Variants in SLC24A2 observed in about 807,000 individuals in gnomAD.
The protein encoded by SLC24A2 is sodium/potassium/calcium exchanger 2.
Under a neutral mutation model 62.0 loss-of-function variants are expected in SLC24A2, and 36 were observed. That is an observed-to-expected ratio of 0.58 (90% CI 0.44 to 0.77). The LOEUF is 0.77. Ranked by LOEUF, SLC24A2 falls within the 30% of genes least tolerant of loss-of-function variation. The probability of loss-of-function intolerance (pLI) is 0.00; values close to 1 mark genes in which losing one functional copy is unlikely to be tolerated. For missense variants in SLC24A2, 846 were observed against 817.9 expected (o/e 1.03, Z -0.42); for synonymous variants, 358 against 294.0 (o/e 1.22, Z -2.23).
chr9:19,853,163 T>C, the SLC24A2 span, among the ~76,000 whole-genome samples: 1 of 151,724 alleles, frequency 6.6e-6, no homozygotes, highest in Non-Finnish European at 1.5e-5. Flanking sequence ...TGGTTTTATA[T>C]CTGAGAACTT....
chr9:19,935,463 T>C, the SLC24A2 span, among the ~76,000 whole-genome samples: 114 of 152,102 alleles, frequency 7.5e-4, no homozygotes, highest in African/African-American at 2.6e-3. Context: ...GGGTAGATAA[T>C]ATAAACTAAT....
the SLC24A2 span, among the ~76,000 whole-genome samples, chr9:19,971,803 C>A: frequency 6.6e-6 from 1 of 152,110 alleles, no homozygotes; most frequent in African/African-American, 2.4e-5. Context: ...ACCAACTGAG[C>A]AGGTTGCTTA....
chr9:19,808,527 G>A, the SLC24A2 span, among the ~76,000 whole-genome samples: 190 of 152,268 alleles, frequency 1.2e-3, 2 homozygotes, highest in African/African-American at 4.4e-3. This position sits in a 1 kb window ranked among gnomAD's most constrained non-coding sequence, Gnocchi z 4.1. Flanking sequence ...ACAAAAAACA[G>A]CAAAAAGTGA....
At chr9:20,118,660 A>C in the SLC24A2 span, among the ~76,000 whole-genome samples, 1 of 152,144 alleles carries the variant, frequency 6.6e-6, no homozygotes, top group Non-Finnish European at 1.5e-5. Flanking sequence ...AAAAAGAGGA[A>C]AAGAAGCATA....
At chr9:20,114,592 C>A in the SLC24A2 span, among the ~76,000 whole-genome samples, 1 of 152,132 alleles carries the variant, frequency 6.6e-6, no homozygotes, top group Non-Finnish European at 1.5e-5. Context: ...CCTATCTTGT[C>A]ATGGAGGAGG....
At chr9:19,842,035 CA>C in the SLC24A2 span, among the ~76,000 whole-genome samples, 1 of 152,196 alleles carries the variant, frequency 6.6e-6, no homozygotes, top group Non-Finnish European at 1.5e-5. Flanking sequence ...GATATGCCAC[CA>C]TTCCCTGTGG....
chr9:20,010,204 A>G, the SLC24A2 span, among the ~76,000 whole-genome samples: 1 of 152,168 alleles, frequency 6.6e-6, no homozygotes, highest in Non-Finnish European at 1.5e-5. Flanking sequence ...CAGCGTTGCC[A>G]CCAGCCAACT....
chr9:20,093,697 G>A, the SLC24A2 span, among the ~76,000 whole-genome samples: 1 of 152,214 alleles, frequency 6.6e-6, no homozygotes, highest in South Asian at 2.1e-4. Flanking sequence ...GTGGTCCCTT[G>A]GGGATTGTTA....
the SLC24A2 span, among the ~76,000 whole-genome samples, chr9:20,149,019 C>T: frequency 8.9e-4 from 135 of 152,126 alleles, no homozygotes; most frequent in African/African-American, 3.2e-3. Context: ...GCCAATCTTT[C>T]CTTCCTTTTT....
chr9:19,982,370 C>G, the SLC24A2 span, among the ~76,000 whole-genome samples: 1 of 152,124 alleles, frequency 6.6e-6, no homozygotes, highest in Non-Finnish European at 1.5e-5. Flanking sequence ...TAAAGGCAAG[C>G]ACAGTCAGTT....
At chr9:19,947,808 A>AAGAAAAGAAAGAAAG in the SLC24A2 span, among the ~76,000 whole-genome samples, 1 of 59,226 alleles carries the variant, frequency 1.7e-5, no homozygotes, top group African/African-American at 8.0e-5. Context: ...AAAAAAAAAA[A>AAGAAAAGAAAGAAAG]AAAGAAAGAA....
chr9:19,648,680 T>G (rs1818711134), intron 2 of SLC24A2, among the ~76,000 whole-genome samples: 1 of 152,162 alleles, frequency 6.6e-6, no homozygotes, highest in Non-Finnish European at 1.5e-5. Flanking sequence ...GGAACCGAGG[T>G]AAACACTGAT....
intron 7 of SLC24A2, among the ~76,000 whole-genome samples, chr9:19,555,779 T>C (rs1447378556): frequency 6.6e-6 from 1 of 152,128 alleles, no homozygotes; most frequent in Non-Finnish European, 1.5e-5. Context: ...ACCCCATCTC[T>C]ACTAAAAATA....
the SLC24A2 span, among the ~76,000 whole-genome samples, chr9:20,262,880 T>C: frequency 8.0e-6 from 1 of 124,872 alleles, no homozygotes; most frequent in Non-Finnish European, 1.6e-5. Context: ...TTCTGCAGGG[T>C]TGGTTTTGAA....
At chr9:20,187,229 T>G in the SLC24A2 span, among the ~76,000 whole-genome samples, 1 of 152,354 alleles carries the variant, frequency 6.6e-6, no homozygotes, top group East Asian at 1.9e-4. Flanking sequence ...AATATGGCAT[T>G]GTTTTGATAT....
At chr9:20,103,665 A>T in the SLC24A2 span, among the ~76,000 whole-genome samples, 3 of 152,322 alleles carry the variant, frequency 2.0e-5, no homozygotes, top group South Asian at 6.2e-4. Context: ...AAACTAACAA[A>T]CAGAAAGGAC....
At chr9:19,563,081 G>C (rs1835483107) in intron 7 of SLC24A2, among the ~76,000 whole-genome samples, 2 of 152,098 alleles carry the variant, frequency 1.3e-5, no homozygotes, top group African/African-American at 4.8e-5. Context: ...ACTCCAGCCT[G>C]GGTGATGGTG....
chr9:19,619,208 G>A (rs1817846419), intron 4 of SLC24A2, among the ~76,000 whole-genome samples: 2 of 152,146 alleles, frequency 1.3e-5, no homozygotes, highest in South Asian at 2.1e-4. Flanking sequence ...TTTTTAAGGT[G>A]CACAATTTAT....
the SLC24A2 span, among the ~76,000 whole-genome samples, chr9:20,101,808 G>A: frequency 2.0e-5 from 3 of 152,136 alleles, no homozygotes; most frequent in Admixed American, 2.0e-4. Context: ...CTTACCTTAA[G>A]GGAAGGGAGG....
Sources: gnomAD v4.1 joint callset for allele counts (sites outside exome capture counted in the v4.1 genomes callset) on GRCh38, gnomAD v4.1.1 for gene constraint, Gnocchi (gnomAD v3.1) non-coding constraint, MANE v1.5 for transcripts, NCBI Gene and HGNC (gene_info 2026-07-23, HGNC 2026-07-21) for gene names.